The following FHOD3 variants were observed in gnomAD, a reference collection of about 807,000 sequenced individuals.
FHOD3 encodes the protein FH1/FH2 domain-containing protein 3.
In FHOD3, 90 loss-of-function variants were observed where a neutral mutation model predicts 173.0. That is an observed-to-expected ratio of 0.52 (90% CI 0.44 to 0.62). The LOEUF (loss-of-function observed/expected upper bound fraction) is 0.62. Among genes scored for constraint, FHOD3 ranks in the 20% least tolerant of loss-of-function variants. FHOD3 has a pLI of 0.00. For synonymous variants in FHOD3, 828 were observed against 823.0 expected (o/e 1.01, Z -0.10); for missense variants, 1,945 against 2,034.7 (o/e 0.96, Z 0.85).
intron 1 of FHOD3, among the ~76,000 whole-genome samples, chr18:36,326,710 C>A (rs1024530594): frequency 1.3e-5 from 2 of 152,182 alleles, no homozygotes; most frequent in African/African-American, 4.8e-5. Context: ...ATGATCGCAC[C>A]ACTGCACTTC....
chr18:36,482,856 CACAGAGAG>C (rs1338626131), intron 3 of FHOD3, among the ~76,000 whole-genome samples: 7 of 64,068 alleles, frequency 1.1e-4, no homozygotes, highest in Non-Finnish European at 2.0e-4. Flanking sequence ...CTCACACACA[CACAGAGAG>C]AGAGAGAGAG....
chr18:36,364,631 T>C (rs1005127141), intron 2 of FHOD3, among the ~76,000 whole-genome samples: 1 of 152,210 alleles, frequency 6.6e-6, no homozygotes, highest in African/African-American at 2.4e-5. Flanking sequence ...GACTTCCATC[T>C]ATAGTTCACT....
intron 3 of FHOD3, among the ~76,000 whole-genome samples, chr18:36,462,891 G>C (rs1790059555): frequency 6.6e-6 from 1 of 152,160 alleles, no homozygotes; most frequent in South Asian, 2.1e-4. Context: ...CTCCCAAAAT[G>C]CTGGGATTAT....
chr18:36,486,491 T>C (rs1029912738), intron 3 of FHOD3, among the ~76,000 whole-genome samples: 5 of 152,170 alleles, frequency 3.3e-5, no homozygotes, highest in African/African-American at 9.6e-5. Context: ...ACCTCCTGAG[T>C]AGCTGGGACT....
At chr18:36,427,170 G>A (rs1472724414) in intron 3 of FHOD3, among the ~76,000 whole-genome samples, 1 of 150,748 alleles carries the variant, frequency 6.6e-6, no homozygotes, top group African/African-American at 2.4e-5. Context: ...AAGTTGAATA[G>A]CAATTAGTCA....
At chr18:36,567,507 A>G (rs1263756137) in intron 5 of FHOD3, among the ~76,000 whole-genome samples, 1 of 152,202 alleles carries the variant, frequency 6.6e-6, no homozygotes, top group African/African-American at 2.4e-5. Context: ...GTCTTTCCCG[A>G]TGAATTCAAC....
intron 3 of FHOD3, among the ~76,000 whole-genome samples, chr18:36,394,546 T>C (rs966583081): frequency 4.6e-5 from 7 of 152,190 alleles, no homozygotes; most frequent in African/African-American, 1.7e-4. Flanking sequence ...CTAAGTGTAT[T>C]TGATGGGTTT....
chr18:36,386,798 C>A (rs1340833432), intron 3 of FHOD3, among the ~76,000 whole-genome samples: 1 of 152,060 alleles, frequency 6.6e-6, no homozygotes. Context: ...TGAGGCCTGG[C>A]CTTCATCAGG....
chr18:36,642,992 C>T (rs1008251534), intron 10 of FHOD3, among the ~76,000 whole-genome samples: 2 of 151,298 alleles, frequency 1.3e-5, no homozygotes, highest in Admixed American at 6.6e-5. Flanking sequence ...ATTTTCTGCA[C>T]TTTGTTGTAA....
intron 23 of FHOD3, 69 bp from the exon 24 acceptor site, chr18:36,746,876 T>C: frequency 8.0e-7 from 1 of 1,253,304 alleles, no homozygotes; most frequent in Non-Finnish European, 1.1e-6. Flanking sequence ...CCAGAGGCAG[T>C]TTTGTCTCTC....
chr18:36,610,186 C>G (rs1213078190), intron 8 of FHOD3, among the ~76,000 whole-genome samples: 5 of 152,200 alleles, frequency 3.3e-5, no homozygotes, highest in Non-Finnish European at 7.3e-5. Flanking sequence ...CTAGATGTCC[C>G]TTCACCTGCA....
intron 10 of FHOD3, among the ~76,000 whole-genome samples, chr18:36,644,627 C>G (rs2035558021): frequency 6.6e-6 from 1 of 152,162 alleles, no homozygotes; most frequent in Admixed American, 6.5e-5. Flanking sequence ...GGATGTTGAG[C>G]CCAAAGAGAA....
chr18:36,582,076 C>T (rs543369001), intron 6 of FHOD3, among the ~76,000 whole-genome samples: 2 of 152,276 alleles, frequency 1.3e-5, no homozygotes, highest in East Asian at 3.9e-4. Context: ...TATGGCAGTG[C>T]CAATGGCAGT....
At chr18:36,698,047 C>T (rs2039385844) in intron 17 of FHOD3, among the ~76,000 whole-genome samples, 1 of 152,234 alleles carries the variant, frequency 6.6e-6, no homozygotes, top group Middle Eastern at 3.2e-3. Flanking sequence ...CAGCCTAACA[C>T]TGCATGCTAG....
At chr18:36,298,223 GC>G (rs1477557612) in intron 1 of FHOD3, among the ~76,000 whole-genome samples, 2 of 152,002 alleles carry the variant, frequency 1.3e-5, no homozygotes, top group Non-Finnish European at 2.9e-5. Flanking sequence ...AACAGCTAGA[GC>G]CGGGGGCGGG....
At chr18:36,323,967 T>G (rs1024660345) in intron 1 of FHOD3, among the ~76,000 whole-genome samples, 1 of 152,230 alleles carries the variant, frequency 6.6e-6, no homozygotes, top group Non-Finnish European at 1.5e-5. Flanking sequence ...GGAAAATTAT[T>G]TGAAGTGAGC....
chr18:36,330,952 C>T (rs2044971968), intron 1 of FHOD3, among the ~76,000 whole-genome samples: 2 of 152,158 alleles, frequency 1.3e-5, no homozygotes, highest in African/African-American at 4.8e-5. Context: ...CTGGCCTGCC[C>T]TGCCCCTGCC....
intron 15 of FHOD3, among the ~76,000 whole-genome samples, chr18:36,684,398 A>G (rs1240638513): frequency 6.6e-6 from 1 of 152,212 alleles, no homozygotes; most frequent in African/African-American, 2.4e-5. Flanking sequence ...CAAAGGACAT[A>G]GATATTATAC....
chr18:36,404,409 G>C (rs1419833862), intron 3 of FHOD3, among the ~76,000 whole-genome samples: 1 of 152,192 alleles, frequency 6.6e-6, no homozygotes, highest in Non-Finnish European at 1.5e-5. Context: ...TTGATAAAAT[G>C]AATTAAATGA....
Sources: gnomAD v4.1 joint callset for allele counts (sites outside exome capture counted in the v4.1 genomes callset) on GRCh38, gnomAD v4.1.1 for gene constraint, MANE v1.5 for transcripts, NCBI Gene and HGNC (gene_info 2026-07-23, HGNC 2026-07-21) for gene names.